Variants in RBFOX1 observed in about 807,000 individuals in gnomAD.
RBFOX1 encodes RNA binding fox-1 homolog 1, also known as RNA binding protein fox-1 homolog 1.
In RBFOX1, 8 loss-of-function variants were observed where a neutral mutation model predicts 57.7. That is an observed-to-expected ratio of 0.14 (90% CI 0.08 to 0.25). The LOEUF is 0.25. RBFOX1 is among the 10% of genes least tolerant of loss of function. The pLI, the probability that RBFOX1 is intolerant of heterozygous loss-of-function variation, is 1.00. For missense variants in RBFOX1, 611 were observed against 548.5 expected (o/e 1.11, Z -1.14); for synonymous variants, 326 against 222.4 (o/e 1.47, Z -4.15).
At chr16:6,544,171 C>T (rs528422897) in intron 2 of RBFOX1, among the ~76,000 whole-genome samples, 82 of 152,264 alleles carry the variant, frequency 5.4e-4, no homozygotes, top group African/African-American at 1.8e-3. Flanking sequence ...GGTGCTCATC[C>T]CAGGGGCAAC....
intron 2 of RBFOX1, among the ~76,000 whole-genome samples, chr16:6,475,595 C>T (rs140655453): frequency 2.0e-5 from 3 of 152,296 alleles, no homozygotes; most frequent in East Asian, 1.9e-4. Flanking sequence ...CACTATAAAT[C>T]GTATGTTCTC....
intron 4 of RBFOX1, among the ~76,000 whole-genome samples, chr16:7,277,353 CT>C (rs1213626740): frequency 6.6e-6 from 1 of 152,162 alleles, no homozygotes; most frequent in Non-Finnish European, 1.5e-5. Flanking sequence ...TAGATATCTC[CT>C]TCTTTAGAAA....
chr16:5,663,423 T>G (rs1267616256), intron 3 of RBFOX1, among the ~76,000 whole-genome samples: 1 of 151,704 alleles, frequency 6.6e-6, no homozygotes. Context: ...CAGGCTGTCC[T>G]CAAACTCCTG....
chr16:6,290,022 G>C (rs142278825), intron 1 of RBFOX1, among the ~76,000 whole-genome samples: 3 of 152,166 alleles, frequency 2.0e-5, no homozygotes. Flanking sequence ...GAGATAACCC[G>C]TGGTTTTAAG....
intron 1 of RBFOX1, among the ~76,000 whole-genome samples, chr16:6,086,520 C>T (rs992474538): frequency 6.6e-6 from 1 of 152,078 alleles, no homozygotes; most frequent in Non-Finnish European, 1.5e-5. Flanking sequence ...TTTTAGATTC[C>T]TGCTTAAACA....
intron 3 of RBFOX1, among the ~76,000 whole-genome samples, chr16:6,727,136 C>T (rs1270649438): frequency 1.4e-5 from 2 of 142,018 alleles, no homozygotes; most frequent in Admixed American, 7.0e-5. Flanking sequence ...ATATATAAAA[C>T]ATGTATATAT....
chr16:6,342,795 C>T (rs1174552864), intron 2 of RBFOX1, among the ~76,000 whole-genome samples: 1 of 152,124 alleles, frequency 6.6e-6, no homozygotes, highest in African/African-American at 2.4e-5. Flanking sequence ...CTGTTATATG[C>T]CACTCACAAG....
intron 4 of RBFOX1, among the ~76,000 whole-genome samples, chr16:7,356,388 C>G (rs1274659441): frequency 6.6e-6 from 1 of 152,150 alleles, no homozygotes; most frequent in Non-Finnish European, 1.5e-5. Flanking sequence ...CCTCTCTGAG[C>G]ATGCACACTA....
chr16:7,013,314 G>C (rs548442543), intron 3 of RBFOX1, among the ~76,000 whole-genome samples: 2 of 152,172 alleles, frequency 1.3e-5, no homozygotes, highest in Non-Finnish European at 1.5e-5. Flanking sequence ...GCTTAACTCA[G>C]TGTTCTGCTC....
intron 2 of RBFOX1, among the ~76,000 whole-genome samples, chr16:6,320,278 T>G (rs1039816520): frequency 5.9e-5 from 9 of 152,166 alleles, no homozygotes; most frequent in Non-Finnish European, 1.2e-4. Flanking sequence ...ATTCCATCTC[T>G]AATTCCCTAC....
At position 6,414,597 on chromosome 16, in the gene RBFOX1, C is replaced by T. The variant is rs150477077; in HGVS notation, c.-64+97540C>T. The stretch of plus-strand genomic sequence containing the variant: ...GTTCGTTAAGCAAAGGGGTCTCATT[C>T]GATTCAAGCTTATATCCCACCCAAA... On this transcript the variant is annotated intron_variant, in intron 2 of 15. Coordinates refer to ENST00000550418, the MANE Select transcript of RBFOX1 (RefSeq NM_018723.4). 2.3e-3 allele frequency among the ~76,000 whole-genome samples: 355 copies of T among 152,254 alleles called. 2 individuals carry two copies. The highest frequency in any genetic ancestry group is 6.7e-3 in the African/African-American group (278 of 41,572).
upstream of RBFOX1, among the ~76,000 whole-genome samples, chr16:6,016,641 A>C (rs1018951920): frequency 6.6e-6 from 1 of 152,300 alleles, no homozygotes; most frequent in Non-Finnish European, 1.5e-5. Flanking sequence ...CATTTTTGAC[A>C]TTTGCTTAGA....
chr16:5,372,824 C>G (rs541135000), intron 1 of RBFOX1, among the ~76,000 whole-genome samples: 63 of 152,332 alleles, frequency 4.1e-4, no homozygotes, highest in African/African-American at 1.5e-3. Context: ...CCGCACAATA[C>G]CATCTCATGA....
chr16:7,131,857 C>T (rs918285011), intron 4 of RBFOX1, among the ~76,000 whole-genome samples: 1 of 152,064 alleles, frequency 6.6e-6, no homozygotes, highest in Non-Finnish European at 1.5e-5. Context: ...AATGGCTTAA[C>T]TTCCAGAGGG....
intron 3 of RBFOX1, among the ~76,000 whole-genome samples, chr16:6,906,174 G>A (rs1187869784): frequency 6.6e-6 from 1 of 151,906 alleles, no homozygotes; most frequent in African/African-American, 2.4e-5. Context: ...GCGCATTAGA[G>A]AAAACGTCGA....
At position 5,947,418 on chromosome 16, in the gene RBFOX1, A is replaced by T. The variant is rs745703910; in HGVS notation, c.351+80083A>T. Among the ~76,000 whole-genome samples, 5 of 152,108 alleles carry T rather than the reference A, an allele frequency of 3.3e-5. No homozygotes were observed. The highest frequency in any genetic ancestry group is 7.4e-5 in the Non-Finnish European group (5 of 68,024). On this transcript the variant is annotated intron_variant, in intron 4 of 19. Transcript: ENST00000641259. This position sits in a 1 kb window ranked among gnomAD's most constrained non-coding sequence, Gnocchi z 7.2. ...AGGGTCTTGCTCTCGCTCAGACTGG[A>T]GTGCATTGGTATGATCATGGCTCAC...
chr16:5,957,960 C>T (rs2059678682), intron 4 of RBFOX1, among the ~76,000 whole-genome samples: 1 of 152,118 alleles, frequency 6.6e-6, no homozygotes, highest in Non-Finnish European at 1.5e-5. Context: ...TTCCCCCCAC[C>T]ATCCTCTCAT....
intron 2 of RBFOX1, among the ~76,000 whole-genome samples, chr16:6,428,994 G>A (rs758507598): frequency 1.3e-5 from 2 of 152,116 alleles, no homozygotes; most frequent in Admixed American, 6.5e-5. Context: ...GACTTGTCTG[G>A]GAGGTGCACA....
At position 6,318,465 on chromosome 16, in the gene RBFOX1, A is replaced by G. The variant is rs143274434; in HGVS notation, c.-64+1408A>G. Among the ~76,000 whole-genome samples, 10 of 152,282 alleles carry G rather than the reference A, an allele frequency of 6.6e-5. No individual in the cohort carries two copies. In the East Asian group the frequency reaches 1.5e-3, roughly 24 times the overall value. Reference sequence around the variant, plus strand: ...TTCTGTTTAAAGCAGCATCTTTCTCATAGATGCCTTTGTTGGTGCTTGGGC... The same window carrying G: ...TTCTGTTTAAAGCAGCATCTTTCTCGTAGATGCCTTTGTTGGTGCTTGGGC... On this transcript the variant is annotated intron_variant, in intron 2 of 15. Transcript: ENST00000550418.
Sources: gnomAD v4.1 joint callset for allele counts (sites outside exome capture counted in the v4.1 genomes callset) on GRCh38, gnomAD v4.1.1 for gene constraint, Gnocchi (gnomAD v3.1) non-coding constraint, MANE v1.5 for transcripts, NCBI Gene and HGNC (gene_info 2026-07-23, HGNC 2026-07-21) for gene names.